RGR: variants seen among roughly 807,000 people sequenced by gnomAD.
The protein encoded by RGR is retinal G protein coupled receptor.
Under a neutral mutation model 28.6 loss-of-function variants are expected in RGR, and 30 were observed. That is an observed-to-expected ratio of 1.05 (90% CI 0.78 to 1.42). The LOEUF (loss-of-function observed/expected upper bound fraction) is 1.42, where lower values mean the gene tolerates loss of function less well. RGR is among the 40% of genes most tolerant of loss of function. The pLI is 0.00. For synonymous variants in RGR, 180 were observed against 156.4 expected, an observed-to-expected ratio of 1.15 and a Z score of -1.13; for missense variants, 404 against 375.6, an observed-to-expected ratio of 1.08 and a Z score of -0.62.
chr10:84,254,812 G>A (rs1842863525), intron 5 of RGR, among the ~76,000 whole-genome samples: 2 of 152,170 alleles, frequency 1.3e-5, no homozygotes, highest in Non-Finnish European at 2.9e-5. Flanking sequence ...GTACATGCAT[G>A]ATATGCAGTC....
At chr10:84,249,310 G>A (rs138301024) in intron 3 of RGR, among the ~76,000 whole-genome samples, 321 of 152,256 alleles carry the variant, frequency 2.1e-3, no homozygotes, top group Non-Finnish European at 3.7e-3. Flanking sequence ...CCTCCTCTGC[G>A]AAATGATTTT....
intron 5 of RGR, among the ~76,000 whole-genome samples, chr10:84,255,817 G>C (rs10887265): frequency 0.48 from 70,132 of 146,474 alleles, 18,609 homozygotes; most frequent in African/African-American, 0.73. Flanking sequence ...CTCCGCCTCT[G>C]GGGTTCAAGC....
At position 84,258,680 on chromosome 10, in the gene RGR, C is replaced by A. The variant is rs1329709747; in HGVS notation, c.*41C>A. On this transcript the variant is annotated 3_prime_UTR_variant, in exon 7 of 7. Coordinates refer to ENST00000652092, the MANE Select transcript of RGR (RefSeq NM_001012720.2). ...GTGAGCCCCAGGCCAGGAGGCTGTT[C>A]CAGGAGTCCTGCCCAGCAGCCTCAG... 1.2e-6 allele frequency: 2 copies of A among 1,612,878 alleles called. No homozygotes were observed. Among genetic ancestry groups the A allele is most frequent in the South Asian group, 2.2e-5 (2 of 91,026 alleles).
At chr10:84,254,016 C>A (rs1842851676) in intron 4 of RGR, among the ~76,000 whole-genome samples, 1 of 152,254 alleles carries the variant, frequency 6.6e-6, no homozygotes, top group Admixed American at 6.5e-5. Context: ...ATGTTCCTTT[C>A]TCTTGGCCCA....
At position 84,258,906 on chromosome 10, in the gene RGR, G is replaced by T; in HGVS notation, c.*267G>T. ...TAAAAATAATAATAAATGTAAGGGG[G>T]TACAGTGCAGTTTTGTTACATGGAT... On this transcript the variant is annotated 3_prime_UTR_variant, in exon 7 of 7. Coordinates refer to ENST00000652092, the MANE Select transcript of RGR (RefSeq NM_001012720.2). 1 of 457,244 alleles carries T rather than the reference G, an allele frequency of 2.2e-6. No homozygotes were observed. 28.3% of individuals were successfully genotyped at this position (457,244 alleles called of 1,614,324 possible).
intron 2 of RGR, 117 bp from the exon 3 acceptor site, chr10:84,248,805 G>T: frequency 6.3e-7 from 1 of 1,585,292 alleles, no homozygotes; most frequent in Non-Finnish European, 8.7e-7. Flanking sequence ...CAATATTAAG[G>T]CCCTCTTCAG....
intron 1 of RGR, 67 bp from the exon 2 acceptor site, chr10:84,247,517 CCACCCCA>C (rs1842761110): frequency 6.4e-7 from 1 of 1,555,572 alleles, no homozygotes; most frequent in African/African-American, 1.4e-5. Context: ...GATGTTCCAT[CCACCCCA>C]CACACACTGT....
chr10:84,250,517 TACACACACACACACACACACACAC>T (rs34459757), intron 3 of RGR: 2 of 562,296 alleles, frequency 3.6e-6, no homozygotes, highest in African/African-American at 3.9e-5. Context: ...GACCATCTTA[TACACACACACACACACACACACAC>T]ACACACACAC....
In RGR at chr10:84,249,792, T is replaced by C. The variant is rs939841351; in HGVS notation, c.358+749T>C. The stretch of plus-strand genomic sequence containing the variant: ...CTTCCATGAGGCTTCATGAAAACTG[T>C]CCAGCTCTAGATTTCACAAGCTGCA... On this transcript the variant is annotated intron_variant, in intron 3 of 6. Transcript: ENST00000652092. Among the ~76,000 whole-genome samples, 22 of 152,354 alleles carry C rather than the reference T, an allele frequency of 1.4e-4. 1 individual carries two copies. The highest frequency in any genetic ancestry group is 9.8e-4 in the Admixed American group (15 of 15,312).
chr10:84,254,890 T>A (rs963507661), intron 5 of RGR, among the ~76,000 whole-genome samples: 3 of 152,214 alleles, frequency 2.0e-5, no homozygotes, highest in Non-Finnish European at 4.4e-5. Context: ...TTCTCTCTAA[T>A]GCACATGCGC....
chr10:84,256,068 T>C, intron 5 of RGR, among the ~76,000 whole-genome samples: 1 of 105,494 alleles, frequency 9.5e-6, no homozygotes, highest in African/African-American at 3.6e-5. Flanking sequence ...TCTTTTTTTT[T>C]TTTTTTTTTT....
At chr10:84,246,785 T>C (rs1190523012) in intron 1 of RGR, among the ~76,000 whole-genome samples, 1 of 152,228 alleles carries the variant, frequency 6.6e-6, no homozygotes, top group Non-Finnish European at 1.5e-5. Flanking sequence ...TTGTATTAAT[T>C]TACATATTCC....
At chr10:84,252,619 G>A (rs540477946) in intron 3 of RGR, among the ~76,000 whole-genome samples, 1 of 152,224 alleles carries the variant, frequency 6.6e-6, no homozygotes, top group South Asian at 2.1e-4. Context: ...TTCTCATTTT[G>A]GTGAGTTGCT....
At chr10:84,251,731 C>T (rs1233973143) in intron 3 of RGR, among the ~76,000 whole-genome samples, 1 of 152,172 alleles carries the variant, frequency 6.6e-6, no homozygotes, top group Non-Finnish European at 1.5e-5. Context: ...CTTATAAGGG[C>T]ACTAATCACA....
rs748945467 is a variant in RGR, at chr10:84,258,603, C to G, written c.840C>G (p.Leu280=). 9.8e-5 allele frequency: 158 copies of G among 1,614,096 alleles called. 1 individual carries two copies. In the Admixed American group the frequency reaches 2.5e-3, roughly 26 times the overall value. Residue 280 remains leucine, a synonymous_variant, in exon 7 of 7, where the codon CTC becomes CTG. Transcript: ENST00000652092. The part of the protein sequence containing the change: ...EMVCRGIWQC[L]SPQKREKDRT... Reference sequence around the variant, plus strand: ...TCTGCAGGGGAATCTGGCAGTGCCTCTCACCGCAGAAGAGGGAGAAGGACC... The same window carrying G: ...TCTGCAGGGGAATCTGGCAGTGCCTGTCACCGCAGAAGAGGGAGAAGGACC...
At chr10:84,256,435 C>T (rs2132889377) in intron 5 of RGR, among the ~76,000 whole-genome samples, 1 of 152,280 alleles carries the variant, frequency 6.6e-6, no homozygotes, top group Middle Eastern at 3.4e-3. Context: ...CACCAAAAAC[C>T]ACACACCTGG....
chr10:84,249,646 G>A (rs914956337), intron 3 of RGR, among the ~76,000 whole-genome samples: 1 of 152,162 alleles, frequency 6.6e-6, no homozygotes, highest in Non-Finnish European at 1.5e-5. Context: ...GTTTTATTTT[G>A]AAAATGAAAT....
chr10:84,248,659 A>G (rs1842776879), intron 2 of RGR: 2 of 584,220 alleles, frequency 3.4e-6, no homozygotes, highest in East Asian at 5.8e-5. Flanking sequence ...CTCCTGTGAC[A>G]GAGGGATCTG....
rs1201938928 is a variant in RGR at position 84,258,530 on chromosome 10, T to C, written c.767T>C (p.Met256Thr). The C allele has an allele frequency of 1.2e-6, 2 of 1,614,058 alleles. No individual in the cohort carries two copies. The highest frequency in any genetic ancestry group is 8.5e-7 in the Non-Finnish European group (1 of 1,180,040). ...LQMVPALIAK[M>T]VPTINAINYA... ...CAGGTGCCCGCCCTCATTGCCAAAA[T>C]GGTGCCCACGATCAATGCCATCAAC... is the stretch of plus-strand genomic sequence containing the variant. The change falls in exon 7 of 7, where the codon ATG (methionine) becomes ACG (threonine). Residue 256 changes from methionine (M) to threonine (T), a missense_variant. By Grantham distance (81) the Met-to-Thr change is moderately conservative (BLOSUM62 -1). Transcript: ENST00000652092.
Sources: gnomAD v4.1 joint callset for allele counts (sites outside exome capture counted in the v4.1 genomes callset) on GRCh38, gnomAD v4.1.1 for gene constraint, MANE v1.5 for transcripts, NCBI Gene and HGNC (gene_info 2026-07-23, HGNC 2026-07-21) for gene names.